SLC33A1: variants seen among roughly 807,000 people sequenced by gnomAD.
The protein encoded by SLC33A1 is acetyl-coenzyme A transporter 1.
Under a neutral mutation model 50.0 loss-of-function variants are expected in SLC33A1, and 20 were observed. The observed-to-expected ratio is 0.40, with a 90% CI of 0.28 to 0.58. The LOEUF (loss-of-function observed/expected upper bound fraction) is 0.58. Ranked by LOEUF, SLC33A1 falls within the 20% of genes least tolerant of loss-of-function variation. SLC33A1 has a pLI of 0.44. For missense variants in SLC33A1, 476 were observed against 657.0 expected (o/e 0.72, Z 3.01); for synonymous variants, 265 against 251.8 (o/e 1.05, Z -0.50).
At chr3:155,832,343 A>C (rs1216595336) in intron 4 of SLC33A1, among the ~76,000 whole-genome samples, 2 of 151,604 alleles carry the variant, frequency 1.3e-5, no homozygotes, top group African/African-American at 4.9e-5. Flanking sequence ...GTGCCATTGC[A>C]CTCCAGCCTG....
Position 155,829,719 on chromosome 3 carries a change from T to C in SLC33A1, c.1451A>G (p.Asn484Ser). 1 of 1,613,978 alleles carries C rather than the reference T, an allele frequency of 6.2e-7. No individual in the cohort carries two copies. The highest frequency in any genetic ancestry group is 8.5e-7 in the Non-Finnish European group (1 of 1,179,918). The part of the protein sequence containing the change: ...LTVKECVGAS[N>S]QNCRTPDAVE... ...AGCATCAGGTGTTCGACAATTCTGG[T>C]TTGATGCTCCTACACACTCTTTTAC... The change falls in exon 5 of 6, where the codon AAC becomes AGC. Residue 484 changes from asparagine to serine, a missense_variant. Asn to Ser is a conservative substitution (Grantham distance 46, BLOSUM62 1). Coordinates refer to ENST00000643144, the MANE Select transcript of SLC33A1 (RefSeq NM_004733.4).
Position 155,854,059 on chromosome 3 carries a change from A to G in SLC33A1, c.-62T>C. 2 of 1,398,826 alleles carry G rather than the reference A, an allele frequency of 1.4e-6. No homozygotes were observed. Among genetic ancestry groups the G allele is most frequent in the East Asian group, 4.6e-5 (2 of 43,194 alleles). The allele number at this position is 1,398,826 out of a possible 1,614,324, so 86.7% of individuals were successfully genotyped here. ...GAGGCTGAGCGTTTTGGATCCGTCCAGTCCCAGGTCCAAGGCTGTCGCGCT... is the reference window on the plus strand; with the variant it reads ...GAGGCTGAGCGTTTTGGATCCGTCCGGTCCCAGGTCCAAGGCTGTCGCGCT... On this transcript the variant is annotated 5_prime_UTR_variant, in exon 1 of 6. Transcript: ENST00000643144.
intron 1 of SLC33A1, among the ~76,000 whole-genome samples, chr3:155,844,455 ATATTTTTTTTTTTTTTTT>A (rs1156668925): frequency 1.2e-3 from 29 of 23,960 alleles, no homozygotes; most frequent in African/African-American, 3.8e-3. Context: ...ATATATATAT[ATATTTTTTTTTTTTTTTT>A]TTTTTTTTTT....
chr3:155,853,040 G>T, intron 1 of SLC33A1, 183 bp downstream of exon 1: 1 of 623,928 alleles, frequency 1.6e-6, no homozygotes. Flanking sequence ...TCATTTGATT[G>T]CTCTAATATC....
Position 155,825,647 on chromosome 3 carries a change from T to G in SLC33A1, c.*2563A>C, listed in dbSNP as rs1435847659. 6.6e-6 allele frequency: 1 copy of G among 152,212 alleles called. No homozygotes were observed. Among genetic ancestry groups the G allele is most frequent in the East Asian group, 1.9e-4 (1 of 5,198 alleles). The allele number at this position is 152,212 out of a possible 1,614,324, so 9.4% of individuals were successfully genotyped here. A position where few individuals can be genotyped will look rare whatever the true frequency, so the allele number is the denominator to read the frequency against. The stretch of plus-strand genomic sequence containing the variant: ...CAGAAGAACTTTTCAAACTCAGATG[T>G]ATATATGCGGCAACCAATGTGCATA... On this transcript the variant is annotated 3_prime_UTR_variant, in exon 6 of 6. Transcript: ENST00000643144.
chr3:155,853,406 C>G lies in SLC33A1; in HGVS notation c.592G>C (p.Asp198His). The G allele has an allele frequency of 6.2e-7, 1 of 1,614,110 alleles. No individual in the cohort carries two copies. Among genetic ancestry groups the G allele is most frequent in the Non-Finnish European group, 8.5e-7 (1 of 1,180,048 alleles). The change falls in exon 1 of 6, where the codon GAT (aspartate) becomes CAT (histidine). Residue 198 changes from aspartate (D) to histidine (H), a missense_variant. Asp to His is a moderately conservative substitution (Grantham distance 81). Coordinates refer to ENST00000643144, the MANE Select transcript of SLC33A1 (RefSeq NM_004733.4). ...FLAATQDIAV[D>H]GWALTMLSRE... Reference sequence around the variant, plus strand: ...GATAACATAGTTAACGCCCAACCATCGACGGCAATGTCCTGAGTGGCGGCC... The same window carrying G: ...GATAACATAGTTAACGCCCAACCATGGACGGCAATGTCCTGAGTGGCGGCC...
At chr3:155,834,535 G>A (rs1363643762) in intron 2 of SLC33A1, among the ~76,000 whole-genome samples, 2 of 152,190 alleles carry the variant, frequency 1.3e-5, no homozygotes, top group East Asian at 1.9e-4. Context: ...AAACGTATCT[G>A]AGAGATTGAA....
chr3:155,841,549 A>C (rs1434839022), intron 2 of SLC33A1, among the ~76,000 whole-genome samples: 1 of 152,172 alleles, frequency 6.6e-6, no homozygotes, highest in African/African-American at 2.4e-5. Context: ...CTGTAACAAA[A>C]TATACTTACC....
At chr3:155,843,795 C>T (rs987260132) in intron 1 of SLC33A1, among the ~76,000 whole-genome samples, 4 of 152,122 alleles carry the variant, frequency 2.6e-5, no homozygotes. Context: ...GATTTCACAC[C>T]TTATAAGTAC....
At chr3:155,835,303 T>C (rs1752602750) in intron 2 of SLC33A1, among the ~76,000 whole-genome samples, 1 of 152,200 alleles carries the variant, frequency 6.6e-6, no homozygotes, top group Non-Finnish European at 1.5e-5. Context: ...GTTCTACTAA[T>C]ACATTTTCAA....
At chr3:155,838,077 G>A (rs1389727092) in intron 2 of SLC33A1, among the ~76,000 whole-genome samples, 1 of 151,888 alleles carries the variant, frequency 6.6e-6, no homozygotes, top group Non-Finnish European at 1.5e-5. Context: ...GCCGAGGTGG[G>A]CAGATCACCT....
chr3:155,831,560 T>C (rs969096769), intron 4 of SLC33A1, among the ~76,000 whole-genome samples: 6 of 152,062 alleles, frequency 3.9e-5, no homozygotes, highest in Admixed American at 2.0e-4. Context: ...TCGAATTTAT[T>C]TGGTCTTGTA....
rs142469970 is a variant in SLC33A1, at chr3:155,838,974, G to A, written c.963+3458C>T. On this transcript the variant is annotated intron_variant, in intron 2 of 5. Transcript: ENST00000643144. Reference sequence around the variant, plus strand: ...TCAAGACCAGCCTGGCCAACATGGTGAAACTCTGTCTCTACTAAAAATACA... The same window carrying A: ...TCAAGACCAGCCTGGCCAACATGGTAAAACTCTGTCTCTACTAAAAATACA... 3.2e-3 allele frequency among the ~76,000 whole-genome samples: 481 copies of A among 151,582 alleles called. 2 individuals carry two copies. The highest frequency in any genetic ancestry group is 0.011 in the African/African-American group (464 of 41,304).
At chr3:155,830,625 G>A (rs1220902218) in intron 4 of SLC33A1, among the ~76,000 whole-genome samples, 1 of 151,770 alleles carries the variant, frequency 6.6e-6, no homozygotes, top group East Asian at 1.9e-4. Flanking sequence ...TAGATGAGGT[G>A]GCACTAAAGG....
At chr3:155,832,977 C>A (rs367766230) in intron 4 of SLC33A1, among the ~76,000 whole-genome samples, 3 of 151,420 alleles carry the variant, frequency 2.0e-5, no homozygotes, top group Non-Finnish European at 4.4e-5. Flanking sequence ...TTCAGCCGGG[C>A]GCAGTGGCTT....
intron 1 of SLC33A1, among the ~76,000 whole-genome samples, chr3:155,847,472 C>T (rs538094950): frequency 1.7e-4 from 26 of 151,634 alleles, no homozygotes; most frequent in African/African-American, 5.8e-4. Context: ...TCGCTGGGCA[C>T]GGTGGCTCAT....
Position 155,853,493 on chromosome 3 carries a change from T to C in SLC33A1, c.505A>G (p.Thr169Ala). The change falls in exon 1 of 6, where the codon ACC (threonine) becomes GCC (alanine). Residue 169 changes from threonine (T) to alanine (A), a missense_variant. Thr to Ala is a moderately conservative substitution (Grantham distance 58). Transcript: ENST00000643144. Reference protein sequence around the residue: ...STQVDRLLGNTDDRTPDVIAL... With the variant: ...STQVDRLLGNADDRTPDVIAL... ...ATCACGTCGGGTGTTCTGTCATCGG[T>C]ATTCCCAAGCAAACGGTCCACCTGA... 1 of 1,614,066 alleles carries C rather than the reference T, an allele frequency of 6.2e-7. No individual in the cohort carries two copies. Among genetic ancestry groups the C allele is most frequent in the Non-Finnish European group, 8.5e-7 (1 of 1,180,010 alleles).
rs11916369 is a variant in SLC33A1 at position 155,845,599 on chromosome 3, C to T, written c.776-2980G>A. On this transcript the variant is annotated intron_variant, in intron 1 of 5. Transcript: ENST00000643144. ...CCTAATTCAAAGGGTTTCCATCTCTCGCACATGCAGAAGAATGAAAAAGCC... is the reference window on the plus strand; with the variant it reads ...CCTAATTCAAAGGGTTTCCATCTCTTGCACATGCAGAAGAATGAAAAAGCC... Among the ~76,000 whole-genome samples the T allele has an allele frequency of 3.3e-3, 495 of 152,252 alleles. 3 individuals carry two copies. The highest frequency in any genetic ancestry group is 0.012 in the African/African-American group (482 of 41,548).
At position 155,842,398 on chromosome 3, in the gene SLC33A1, A is replaced by G. The variant is rs947109619; in HGVS notation, c.963+34T>C. The G allele has an allele frequency of 8.4e-6, 12 of 1,421,756 alleles. No homozygotes were observed. The African/African-American group carries it at 1.4e-4, about 17-fold the overall frequency. The allele number at this position is 1,421,756 out of a possible 1,614,324, so 88.1% of individuals were successfully genotyped here. Reference sequence around the variant, plus strand: ...GTATTCCATGATATTGATACTTATAAGAAAATGATAAATTTGATTTATAAA... The same window carrying G: ...GTATTCCATGATATTGATACTTATAGGAAAATGATAAATTTGATTTATAAA... On this transcript the variant is annotated intron_variant, in intron 2 of 5. Transcript: ENST00000643144.
Sources: gnomAD v4.1 joint callset for allele counts (sites outside exome capture counted in the v4.1 genomes callset) on GRCh38, gnomAD v4.1.1 for gene constraint, MANE v1.5 for transcripts, NCBI Gene and HGNC (gene_info 2026-07-23, HGNC 2026-07-21) for gene names.